The following ATP11C variants were observed in gnomAD, a reference collection of about 807,000 sequenced individuals.
ATP11C encodes the protein phospholipid-transporting ATPase IG.
Under a neutral mutation model 97.4 loss-of-function variants are expected in ATP11C, and 36 were observed. The ratio of observed to expected loss-of-function variants is 0.37; its 90% CI spans 0.28 to 0.49. ATP11C has a LOEUF of 0.49. Among genes scored for constraint, ATP11C ranks in the 20% least tolerant of loss-of-function variants. ATP11C has a pLI of 0.98. For synonymous variants in ATP11C, 275 were observed against 290.9 expected (o/e 0.95, Z 0.56); for missense variants, 730 against 824.6 (o/e 0.89, Z 1.40).
chrX:139,780,848 T>C (rs182905235), intron 18 of ATP11C, among the ~76,000 whole-genome samples: 131 of 112,178 alleles, frequency 1.2e-3, no homozygotes, highest in African/African-American at 4.2e-3. Context: ...CCACATGTTC[T>C]TACTTATAAG....
rs184184358 is a variant in ATP11C, at chrX:139,793,229, C to T, written c.1206+3044G>A. On this transcript the variant is annotated intron_variant, in intron 12 of 29. Transcript: ENST00000682941. ...GTTTTCCCTGAAACACATATTAATC[C>T]CATCATACAGAAACAATCATGTTAA... 2.7e-4 allele frequency among the ~76,000 whole-genome samples: 30 copies of T among 111,257 alleles called. 1 individual carries two copies. The Admixed American group carries it at 2.8e-3, about 10-fold the overall frequency.
At chrX:139,788,794 C>G (rs1245257707) in intron 13 of ATP11C, among the ~76,000 whole-genome samples, 1 of 112,285 alleles carries the variant, frequency 8.9e-6, no homozygotes, top group East Asian at 2.8e-4. Context: ...ATCATACAGA[C>G]AAGCAAGCTT....
intron 1 of ATP11C, among the ~76,000 whole-genome samples, chrX:139,928,947 G>T (rs1305618291): frequency 8.9e-6 from 1 of 111,953 alleles, no homozygotes; most frequent in Non-Finnish European, 1.9e-5. Flanking sequence ...CAAAAAGAGG[G>T]GGGAATTGTT....
intron 1 of ATP11C, among the ~76,000 whole-genome samples, chrX:139,845,441 T>C (rs769448627): frequency 3.7e-4 from 42 of 112,092 alleles, no homozygotes; most frequent in Non-Finnish European, 6.6e-4. Context: ...AAGTCAGGGA[T>C]TTTTGAGAGA....
chrX:139,924,152 C>T (rs1190872246), intron 1 of ATP11C: 1 of 385,444 alleles, frequency 2.6e-6, no homozygotes, highest in Non-Finnish European at 5.2e-6. Flanking sequence ...CTTGGCGATG[C>T]TCCAGAGAGG....
chrX:139,896,524 G>C (rs374774005), intron 1 of ATP11C, among the ~76,000 whole-genome samples: 1 of 99,455 alleles, frequency 1.0e-5, no homozygotes, highest in African/African-American at 3.7e-5. Flanking sequence ...TCTGAATGAA[G>C]TATGAACTTC....
At chrX:139,756,236 C>T (rs1458956150) in intron 23 of ATP11C, among the ~76,000 whole-genome samples, 2 of 112,113 alleles carry the variant, frequency 1.8e-5, no homozygotes, top group African/African-American at 6.5e-5. Context: ...CTCAACATCA[C>T]TAATCATTAG....
chrX:139,803,970 G>A (rs933727308), intron 6 of ATP11C, among the ~76,000 whole-genome samples: 2 of 109,982 alleles, frequency 1.8e-5, no homozygotes, highest in East Asian at 2.8e-4. Flanking sequence ...CAAAGTGCTA[G>A]GATTACAGGC....
At chrX:139,864,967 G>A (rs966469838) in intron 1 of ATP11C, among the ~76,000 whole-genome samples, 2 of 112,243 alleles carry the variant, frequency 1.8e-5, no homozygotes, top group Non-Finnish European at 3.8e-5. Context: ...GCACAGCCTG[G>A]AATTCTACAA....
chrX:139,871,724 T>C (rs2084379931), intron 1 of ATP11C, among the ~76,000 whole-genome samples: 1 of 108,984 alleles, frequency 9.2e-6, no homozygotes, highest in South Asian at 4.0e-4. Flanking sequence ...GGTTTCACCA[T>C]GTTTCCCATT....
At chrX:139,774,608 G>A (rs1390187041) in intron 19 of ATP11C, 82 bp downstream of exon 19, 3 of 891,800 alleles carry the variant, frequency 3.4e-6, no homozygotes, top group African/African-American at 2.0e-5. Flanking sequence ...ATGCATTACA[G>A]AAAATGAAGC....
chrX:139,915,063 A>G (rs938945023), intron 1 of ATP11C, among the ~76,000 whole-genome samples: 6 of 111,864 alleles, frequency 5.4e-5, no homozygotes, highest in Non-Finnish European at 1.1e-4. Flanking sequence ...GCAACATATC[A>G]ATGAAATCAT....
chrX:139,835,818 G>C (rs1170418358), intron 1 of ATP11C, among the ~76,000 whole-genome samples: 2 of 105,003 alleles, frequency 1.9e-5, no homozygotes, highest in Non-Finnish European at 3.9e-5. Context: ...CACTTGGTCA[G>C]GAGTTTGAGA....
rs759276291 is a variant in ATP11C, at chrX:139,924,464, A to T, written c.27+7552T>A. Among the ~76,000 whole-genome samples the T allele has an allele frequency of 6.3e-5, 7 of 111,716 alleles. No homozygotes were observed. The East Asian group carries it at 1.1e-3, about 18-fold the overall frequency. ...GTGTTTCACAATATTTGCGTGATGGAAAGAGTTAACATAGCAGGCCTGACA... is the reference window on the plus strand; with the variant it reads ...GTGTTTCACAATATTTGCGTGATGGTAAGAGTTAACATAGCAGGCCTGACA... On this transcript the variant is annotated intron_variant, in intron 1 of 29. Coordinates refer to ENST00000682941, the MANE Select transcript of ATP11C (RefSeq NM_001353812.2).
intron 1 of ATP11C, among the ~76,000 whole-genome samples, chrX:139,907,697 G>A (rs754500407): frequency 1.8e-5 from 2 of 109,012 alleles, no homozygotes; most frequent in African/African-American, 6.7e-5. Context: ...ACAGTGAGCC[G>A]AGATTGCGCC....
intron 5 of ATP11C, 115 bp from the exon 6 acceptor site, chrX:139,804,714 T>C: frequency 2.0e-6 from 1 of 512,233 alleles, no homozygotes. Flanking sequence ...GCTTTGAGAG[T>C]ATCTCAGCAT....
intron 22 of ATP11C, among the ~76,000 whole-genome samples, chrX:139,758,730 G>A (rs767557108): frequency 1.7e-4 from 19 of 111,905 alleles, no homozygotes; most frequent in South Asian, 3.8e-4. Context: ...CTTTTTTACT[G>A]TTACTTGGTC....
At chrX:139,933,452 A>G (rs1000918507), upstream of ATP11C, among the ~76,000 whole-genome samples, 39 of 112,273 alleles carry the variant, frequency 3.5e-4, no homozygotes, top group African/African-American at 1.2e-3. Flanking sequence ...TAGAGCTGGA[A>G]TTTGCGAAAC....
intron 1 of ATP11C, among the ~76,000 whole-genome samples, chrX:139,871,790 A>G (rs1395849470): frequency 9.0e-6 from 1 of 111,198 alleles, no homozygotes; most frequent in Non-Finnish European, 1.9e-5. Context: ...TCGGCCTCCC[A>G]AAGTGCTGGG....
Sources: gnomAD v4.1 joint callset for allele counts (sites outside exome capture counted in the v4.1 genomes callset) on GRCh38, gnomAD v4.1.1 for gene constraint, MANE v1.5 for transcripts, NCBI Gene and HGNC (gene_info 2026-07-23, HGNC 2026-07-21) for gene names.